Variants in NDUFA10 observed in about 807,000 individuals in gnomAD.
NDUFA10 encodes NADH:ubiquinone oxidoreductase subunit A10, also known as NADH dehydrogenase [ubiquinone] 1 alpha subcomplex subunit 10, mitochondrial.
In NDUFA10, 40 loss-of-function variants were observed where a neutral mutation model predicts 47.8. The ratio of observed to expected loss-of-function variants is 0.84; its 90% CI spans 0.65 to 1.09. NDUFA10 has a LOEUF of 1.09. Among genes scored for constraint, NDUFA10 ranks in the 50% least tolerant of loss-of-function variants. The pLI is 0.00. For missense variants in NDUFA10, 413 were observed against 451.1 expected, an observed-to-expected ratio of 0.92 and a Z score of 0.76; for synonymous variants, 183 against 172.2, an observed-to-expected ratio of 1.06 and a Z score of -0.49.
intron 4 of NDUFA10, among the ~76,000 whole-genome samples, chr2:239,931,831 C>CTTTTTTTTTTTT (rs35581568): frequency 1.1e-5 from 1 of 90,186 alleles, no homozygotes; most frequent in Admixed American, 1.5e-4. Flanking sequence ...TGCACCTCTG[C>CTTTTTTTTTTTT]TTTTTTTTTT....
At chr2:239,939,766 G>T (rs558104058) in intron 4 of NDUFA10, among the ~76,000 whole-genome samples, 2 of 152,224 alleles carry the variant, frequency 1.3e-5, no homozygotes, top group Non-Finnish European at 2.9e-5. Context: ...CACGGAAACA[G>T]GGCACTACCC....
At chr2:240,019,305 G>A (rs1697509133) in intron 3 of NDUFA10, among the ~76,000 whole-genome samples, 1 of 152,166 alleles carries the variant, frequency 6.6e-6, no homozygotes, top group Non-Finnish European at 1.5e-5. Flanking sequence ...GAATGGGTCT[G>A]GCACACAGCA....
At chr2:239,905,517 A>T (rs998818539) in intron 4 of NDUFA10, among the ~76,000 whole-genome samples, 6 of 152,178 alleles carry the variant, frequency 3.9e-5, no homozygotes, top group Non-Finnish European at 8.8e-5. Context: ...GGCCAACAGC[A>T]CCTGCTGTCG....
At chr2:239,998,651 T>G (rs1191362434) in intron 8 of NDUFA10, among the ~76,000 whole-genome samples, 1 of 152,206 alleles carries the variant, frequency 6.6e-6, no homozygotes, top group African/African-American at 2.4e-5. Flanking sequence ...TCTGGGAGTC[T>G]GGAACCTGAG....
intron 4 of NDUFA10, among the ~76,000 whole-genome samples, chr2:239,896,484 A>G (rs1693398711): frequency 6.6e-6 from 1 of 152,232 alleles, no homozygotes. Context: ...CAGCAAATCC[A>G]GGGTTGGGGG....
intron 9 of NDUFA10, among the ~76,000 whole-genome samples, chr2:239,974,331 T>G (rs988017924): frequency 1.3e-5 from 2 of 152,194 alleles, no homozygotes; most frequent in African/African-American, 4.8e-5. Flanking sequence ...ATCAGGACAC[T>G]AGCCAGACAA....
chr2:239,914,015 C>T (rs11892900), intron 4 of NDUFA10, among the ~76,000 whole-genome samples: 23,007 of 152,252 alleles, frequency 0.15, 1,839 homozygotes, highest in African/African-American at 0.17. Context: ...CGGACGTGGA[C>T]TTAGCACAGG....
In NDUFA10 at chr2:240,014,587, G is replaced by A. The variant is rs1697261512; in HGVS notation, c.669+152C>T. ...GCCATGGGGTCTCCCCTCCACCCCT[G>A]CAGATGCCCTCTCTCAAGTGGGAAC... On this transcript the variant is annotated intron_variant, in intron 5 of 9. Transcript: ENST00000252711. 4 of 1,266,346 alleles carry A rather than the reference G, an allele frequency of 3.2e-6. No individual in the cohort carries two copies. In the South Asian group the frequency reaches 3.6e-5, roughly 11 times the overall value. 78.4% of individuals were successfully genotyped at this position (1,266,346 alleles called of 1,614,324 possible).
intron 4 of NDUFA10, among the ~76,000 whole-genome samples, chr2:239,951,436 CTT>C (rs577204228): frequency 1.1e-3 from 161 of 152,332 alleles, no homozygotes; most frequent in African/African-American, 3.6e-3. Context: ...GGCCGTTTCT[CTT>C]GTGTTCTCAG....
intron 4 of NDUFA10, among the ~76,000 whole-genome samples, chr2:239,914,254 C>T (rs1053264035): frequency 2.7e-5 from 4 of 150,006 alleles, no homozygotes; most frequent in African/African-American, 9.9e-5. Context: ...ACACAGAACA[C>T]ACACATATAC....
chr2:239,920,309 A>G (rs75934862), intron 4 of NDUFA10, among the ~76,000 whole-genome samples: 6,305 of 152,276 alleles, frequency 0.041, 426 homozygotes, highest in African/African-American at 0.14. Context: ...GTCCTTTGAG[A>G]CATCCCATCA....
At chr2:239,980,460 G>A (rs1432206073) in intron 9 of NDUFA10, among the ~76,000 whole-genome samples, 1 of 152,190 alleles carries the variant, frequency 6.6e-6, no homozygotes, top group African/African-American at 2.4e-5. Context: ...CGGGGTTGGG[G>A]ATTTAATCAA....
At chr2:239,901,420 C>A (rs1693547495) in intron 4 of NDUFA10, among the ~76,000 whole-genome samples, 1 of 152,124 alleles carries the variant, frequency 6.6e-6, no homozygotes, top group East Asian at 1.9e-4. Flanking sequence ...CTCTTTATAG[C>A]ATGATTCACG....
At chr2:239,903,579 C>T (rs13392597) in intron 4 of NDUFA10, among the ~76,000 whole-genome samples, 128,999 of 152,270 alleles carry the variant, frequency 0.85, 54,685 homozygotes, top group East Asian at 0.99. Context: ...GGACGCTGCC[C>T]TGTTGAAAAG....
chr2:239,998,887 G>C (rs191451682), intron 8 of NDUFA10, among the ~76,000 whole-genome samples: 9 of 152,168 alleles, frequency 5.9e-5, no homozygotes, highest in Non-Finnish European at 1.5e-5. Context: ...ATCTGTCTGC[G>C]TATCTGTCCT....
intron 8 of NDUFA10, among the ~76,000 whole-genome samples, chr2:239,998,900 T>C (rs773800396): frequency 5.4e-4 from 83 of 152,330 alleles, no homozygotes; most frequent in Admixed American, 1.4e-3. Flanking sequence ...TCTGTCCTCA[T>C]TCACTGTGAT....
At chr2:239,980,284 C>T (rs112858684) in intron 9 of NDUFA10, among the ~76,000 whole-genome samples, 3,066 of 152,296 alleles carry the variant, frequency 0.02, 112 homozygotes, top group African/African-American at 0.07. Context: ...ATGACACTGT[C>T]GGGCAGGGGG....
intron 4 of NDUFA10, among the ~76,000 whole-genome samples, chr2:239,938,348 C>T (rs1000412512): frequency 3.3e-5 from 5 of 152,252 alleles, no homozygotes; most frequent in Admixed American, 2.0e-4. Context: ...CACAGGCCCC[C>T]CTGAGGACAG....
chr2:240,025,164 T>TGCG, intron 1 of NDUFA10, 63 bp downstream of exon 1: 2 of 594,914 alleles, frequency 3.4e-6, no homozygotes, highest in Non-Finnish European at 5.5e-6. Context: ...GTGGAACTGC[T>TGCG]CCCCACCCCG....
Sources: allele counts gnomAD v4.1 joint callset (sites outside exome capture counted in the v4.1 genomes callset), GRCh38; gene constraint gnomAD v4.1.1; transcripts MANE v1.5; gene names NCBI Gene and HGNC (gene_info 2026-07-23, HGNC 2026-07-21).